The following TMTC2 variants were observed in gnomAD, a reference collection of about 807,000 sequenced individuals.
TMTC2 encodes the protein transmembrane O-mannosyltransferase targeting cadherins 2, also known as protein O-mannosyl-transferase TMTC2.
A neutral mutation model predicts 82.4 loss-of-function variants in TMTC2; 43 were observed. That is an observed-to-expected ratio of 0.52 (90% confidence interval 0.41 to 0.67). TMTC2 has a LOEUF of 0.67. Ranked by LOEUF, TMTC2 falls within the 30% of genes least tolerant of loss-of-function variation. TMTC2 has a pLI of 0.00. For missense variants in TMTC2, 919 were observed against 1,012.4 expected, an observed-to-expected ratio of 0.91 and a Z score of 1.25; for synonymous variants, 408 against 381.9, an observed-to-expected ratio of 1.07 and a Z score of -0.80.
At position 82,976,140 on chromosome 12, in the gene TMTC2, A is replaced by G. The variant is rs542770456; in HGVS notation, c.1948+9143A>G. ...ACTTTTTGAAAATTCTGAGCATTTA[A>G]TAGAATTGGCTTTGACATTTGTGGA... On this transcript the variant is annotated intron_variant, in intron 7 of 11. Coordinates refer to ENST00000321196, the MANE Select transcript of TMTC2 (RefSeq NM_152588.3). Among the ~76,000 whole-genome samples, 4 of 152,268 alleles carry G rather than the reference A, an allele frequency of 2.6e-5. No homozygotes were observed. The South Asian group carries it at 8.3e-4, about 32-fold the overall frequency.
chr12:83,038,927 G>GTTTTT (rs537630267), intron 9 of TMTC2, among the ~76,000 whole-genome samples: 8 of 109,098 alleles, frequency 7.3e-5, no homozygotes, highest in East Asian at 3.1e-4. Context: ...AAGCACCTTG[G>GTTTTT]TTTTTTTTTT....
chr12:82,920,820 G>A (rs1045253581), intron 3 of TMTC2, among the ~76,000 whole-genome samples: 2 of 152,014 alleles, frequency 1.3e-5, no homozygotes, highest in African/African-American at 2.4e-5. Flanking sequence ...TTAAATCTCT[G>A]TCACATGTAA....
chr12:83,028,760 T>C (rs1233340425), intron 8 of TMTC2, among the ~76,000 whole-genome samples: 1 of 152,200 alleles, frequency 6.6e-6, no homozygotes, highest in African/African-American at 2.4e-5. Flanking sequence ...GCTGCCTGAT[T>C]TGTTACAGTT....
At chr12:82,762,562 A>G (rs547098415) in intron 1 of TMTC2, among the ~76,000 whole-genome samples, 110 of 152,328 alleles carry the variant, frequency 7.2e-4, no homozygotes, top group African/African-American at 2.5e-3. Flanking sequence ...TATAAGAGAT[A>G]AAGAAGAGAG....
chr12:82,717,470 A>T (rs1297877740), intron 1 of TMTC2, among the ~76,000 whole-genome samples: 4 of 152,050 alleles, frequency 2.6e-5, no homozygotes, highest in African/African-American at 4.8e-5. Context: ...ACTTCAGGTG[A>T]TCCACCTGCC....
At chr12:83,132,094 C>T in intron 11 of TMTC2, 116 bp from the exon 12 acceptor site, 1 of 1,274,912 alleles carries the variant, frequency 7.8e-7, no homozygotes, top group Non-Finnish European at 1.0e-6. Flanking sequence ...ATTGCTTTCA[C>T]AAAATGCCTC....
intron 1 of TMTC2, among the ~76,000 whole-genome samples, chr12:82,845,592 A>G (rs975629065): frequency 2.0e-5 from 3 of 152,082 alleles, no homozygotes; most frequent in African/African-American, 4.8e-5. Flanking sequence ...CTGATACAGT[A>G]TAGTACGGTG....
chr12:82,719,381 C>T (rs192196838), intron 1 of TMTC2, among the ~76,000 whole-genome samples: 73 of 152,100 alleles, frequency 4.8e-4, no homozygotes, highest in Middle Eastern at 3.4e-3. Context: ...CATAAGCCAC[C>T]GTGCCCAGCC....
chr12:82,883,079 A>T (rs1203593181), intron 2 of TMTC2, among the ~76,000 whole-genome samples: 1 of 140,198 alleles, frequency 7.1e-6, no homozygotes, highest in Non-Finnish European at 1.5e-5. Context: ...AAAAAAAAAA[A>T]AAACCAAAAC....
At chr12:82,774,394 G>A (rs1278252313) in intron 1 of TMTC2, among the ~76,000 whole-genome samples, 1 of 152,102 alleles carries the variant, frequency 6.6e-6, no homozygotes, top group Non-Finnish European at 1.5e-5. Flanking sequence ...GCTGAGGAGG[G>A]TGGATTACCT....
chr12:82,992,603 C>T lies in TMTC2; in HGVS notation c.2070+6557C>T, dbSNP rs558666365. On this transcript the variant is annotated intron_variant, in intron 8 of 11. Transcript: ENST00000321196. ...TTTATATGAAGTTGCTGTACCTGAA[C>T]GTTATGATTTATCAGTCTGGAGCTA... Among the ~76,000 whole-genome samples the T allele has an allele frequency of 3.9e-5, 6 of 152,218 alleles. No individual in the cohort carries two copies. The South Asian group carries it at 1.2e-3, about 32-fold the overall frequency.
chr12:82,934,936 C>T (rs1253403238), intron 4 of TMTC2, among the ~76,000 whole-genome samples: 1 of 152,060 alleles, frequency 6.6e-6, no homozygotes, highest in East Asian at 1.9e-4. Context: ...GATGGTATCT[C>T]ATTGTGGTAT....
intron 1 of TMTC2, among the ~76,000 whole-genome samples, chr12:82,756,537 A>G (rs1425406219): frequency 6.6e-6 from 1 of 152,204 alleles, no homozygotes; most frequent in African/African-American, 2.4e-5. Context: ...GGACAAAGGA[A>G]TATACAGACC....
chr12:83,128,996 A>G (rs1395431106), intron 11 of TMTC2, among the ~76,000 whole-genome samples: 4 of 152,196 alleles, frequency 2.6e-5, no homozygotes, highest in Admixed American at 6.5e-5. Flanking sequence ...GGGCGATGAT[A>G]CTTATTACAT....
chr12:83,024,533 C>T (rs1027700502), intron 8 of TMTC2, among the ~76,000 whole-genome samples: 7 of 152,112 alleles, frequency 4.6e-5, no homozygotes, highest in Non-Finnish European at 2.9e-5. Context: ...AGAGTAAACA[C>T]CAGACATATG....
intron 1 of TMTC2, among the ~76,000 whole-genome samples, chr12:82,835,635 G>A (rs994645055): frequency 1.3e-5 from 2 of 151,976 alleles, no homozygotes; most frequent in African/African-American, 2.4e-5. Context: ...CTTAAATTAG[G>A]CGTTCTTTGC....
chr12:83,030,813 G>T lies in TMTC2; in HGVS notation c.2086G>T (p.Ala696Ser), dbSNP rs1881399853. 1.2e-6 allele frequency: 2 copies of T among 1,613,456 alleles called. No homozygotes were observed. Among genetic ancestry groups the T allele is most frequent in the African/African-American group, 2.7e-5 (2 of 75,014 alleles). ...GTTTTTCAAGGGTCGTAAGAGTGAG[G>T]CTGAAAAGCTCTTCTTGAAGGCTAT... is the stretch of plus-strand genomic sequence containing the variant. Reference protein sequence around the residue: ...LLALTGRKSEAEKLFLKAIEL... With the variant: ...LLALTGRKSESEKLFLKAIEL... The change falls in exon 9 of 12, where the codon GCT (alanine) becomes TCT (serine). Residue 696 changes from alanine to serine, a missense_variant. By Grantham distance (99) the Ala-to-Ser change is moderately conservative. Transcript: ENST00000321196.
At chr12:82,737,851 T>G (rs1875201079) in intron 1 of TMTC2, among the ~76,000 whole-genome samples, 1 of 152,200 alleles carries the variant, frequency 6.6e-6, no homozygotes, top group South Asian at 2.1e-4. Flanking sequence ...CTGTTTCTAA[T>G]GCCTAAATAC....
chr12:82,807,279 C>A (rs979753346), intron 1 of TMTC2, among the ~76,000 whole-genome samples: 1 of 151,992 alleles, frequency 6.6e-6, no homozygotes, highest in African/African-American at 2.4e-5. Flanking sequence ...GTTTCCAAAC[C>A]ATTAATTCCT....
Sources: gnomAD v4.1 joint callset for allele counts (sites outside exome capture counted in the v4.1 genomes callset) on GRCh38, gnomAD v4.1.1 for gene constraint, MANE v1.5 for transcripts, NCBI Gene and HGNC (gene_info 2026-07-23, HGNC 2026-07-21) for gene names.